The following NRG1 variants were observed in gnomAD, a reference collection of about 807,000 sequenced individuals.
NRG1 encodes the protein pro-neuregulin-1, membrane-bound isoform.
In NRG1, 18 loss-of-function variants were observed where a neutral mutation model predicts 63.8. The observed-to-expected ratio is 0.28, with a 90% CI of 0.19 to 0.42. The LOEUF (loss-of-function observed/expected upper bound fraction) is 0.42, where lower values mean the gene tolerates loss of function less well. Among genes scored for constraint, NRG1 ranks in the 10% least tolerant of loss-of-function variants. NRG1 has a pLI of 1.00. For synonymous variants in NRG1, 302 were observed against 301.3 expected, an observed-to-expected ratio of 1.00 and a Z score of -0.02; for missense variants, 762 against 814.7, an observed-to-expected ratio of 0.94 and a Z score of 0.79.
At chr8:32,265,586 T>C (rs1373506867) in intron 1 of NRG1, among the ~76,000 whole-genome samples, 5 of 152,176 alleles carry the variant, frequency 3.3e-5, no homozygotes, top group African/African-American at 1.2e-4. Context: ...CTCACACCTA[T>C]AATCCTTGCA....
intron 8 of NRG1, among the ~76,000 whole-genome samples, chr8:32,754,688 G>A (rs1015590624): frequency 1.3e-5 from 2 of 152,218 alleles, no homozygotes; most frequent in South Asian, 2.1e-4. Flanking sequence ...AAAGATTTCT[G>A]TTCAATGACC....
chr8:32,436,915 A>G (rs1346256645), intron 1 of NRG1, among the ~76,000 whole-genome samples: 1 of 151,892 alleles, frequency 6.6e-6, no homozygotes, highest in Non-Finnish European at 1.5e-5. Context: ...ACACACACAC[A>G]CAATTTAAAA....
intron 1 of NRG1, chr8:32,256,451 A>T (rs1849712310): frequency 6.6e-6 from 1 of 152,236 alleles, no homozygotes; most frequent in African/African-American, 2.4e-5. Context: ...TCTCTACTGC[A>T]GGTCTGCAGG....
chr8:31,864,740 G>A (rs1228749021), intron 1 of NRG1, among the ~76,000 whole-genome samples: 1 of 152,192 alleles, frequency 6.6e-6, no homozygotes, highest in East Asian at 1.9e-4. Flanking sequence ...GTGAGGGTCA[G>A]AAGAACTGGG....
At chr8:32,647,837 G>A in intron 5 of NRG1, 3 of 1,613,978 alleles carry the variant, frequency 1.9e-6, no homozygotes, top group South Asian at 1.1e-5. Context: ...ACATGCCAGA[G>A]CCCCAGACTG....
At chr8:32,585,259 T>A (rs1046252028) in intron 1 of NRG1, among the ~76,000 whole-genome samples, 1 of 152,240 alleles carries the variant, frequency 6.6e-6, no homozygotes, top group Non-Finnish European at 1.5e-5. Context: ...GCTTATGTCA[T>A]GTGAACTTTG....
chr8:31,992,635 A>C (rs1406768463), intron 1 of NRG1, among the ~76,000 whole-genome samples: 1 of 152,040 alleles, frequency 6.6e-6, no homozygotes, highest in Non-Finnish European at 1.5e-5. Context: ...AAAACTTTCT[A>C]ATCATATATC....
At chr8:32,399,762 T>C (rs1173019193) in intron 1 of NRG1, among the ~76,000 whole-genome samples, 1 of 152,154 alleles carries the variant, frequency 6.6e-6, no homozygotes, top group East Asian at 1.9e-4. Flanking sequence ...TAGAGACTTT[T>C]CCCTCCTGTA....
At chr8:32,083,970 G>A (rs1208611038) in intron 1 of NRG1, among the ~76,000 whole-genome samples, 2 of 152,106 alleles carry the variant, frequency 1.3e-5, no homozygotes, top group East Asian at 3.9e-4. Context: ...TTACCTGAAA[G>A]CAGTCCTGTT....
chr8:31,883,072 G>T (rs756408628), intron 1 of NRG1, among the ~76,000 whole-genome samples: 2 of 151,916 alleles, frequency 1.3e-5, no homozygotes, highest in East Asian at 3.9e-4. Flanking sequence ...ATGCCACAGA[G>T]AAATATTTTA....
intron 1 of NRG1, among the ~76,000 whole-genome samples, chr8:31,958,531 AC>A (rs1484803348): frequency 1.3e-5 from 2 of 152,156 alleles, no homozygotes; most frequent in Non-Finnish European, 2.9e-5. Context: ...ACCAGCATAA[AC>A]TTTTGAGGAT....
Position 31,735,387 on chromosome 8 carries a change from CA to C in NRG1, c.37+95964del, listed in dbSNP as rs546161662. ...TAAATTAGAGCTTTACCTTTATCAC[CA>C]AAAAAAACCCCACTGTCTTCCCTTG... On this transcript the variant is annotated intron_variant, in intron 1 of 10. Coordinates refer to the NRG1 transcript ENST00000519301. Among the ~76,000 whole-genome samples the C allele has an allele frequency of 3.9e-3, 593 of 151,530 alleles. 1 individual carries two copies. Among genetic ancestry groups the C allele is most frequent in the South Asian group, 0.019 (91 of 4,782 alleles).
Position 32,456,125 on chromosome 8 carries a change from A to G in NRG1, c.38-139703A>G, listed in dbSNP as rs1159645921. 2.0e-5 allele frequency among the ~76,000 whole-genome samples: 3 copies of G among 152,236 alleles called. No individual in the cohort carries two copies. The East Asian group carries it at 5.8e-4, about 29-fold the overall frequency. ...CAGCCCTTAGAGGAAAAACTGTTCA[A>G]ACAACCTTTTATTCATAGACCCATG... On this transcript the variant is annotated intron_variant, in intron 1 of 10. Coordinates refer to the NRG1 transcript ENST00000519301.
intron 1 of NRG1, among the ~76,000 whole-genome samples, chr8:32,446,733 A>G (rs370058702): frequency 7.0e-4 from 106 of 152,270 alleles, no homozygotes; most frequent in African/African-American, 2.4e-3. Flanking sequence ...GCAGATCAAA[A>G]CTTTGGGGTC....
chr8:31,659,269 G>A (rs1805730136), intron 1 of NRG1, among the ~76,000 whole-genome samples: 1 of 152,112 alleles, frequency 6.6e-6, no homozygotes, highest in African/African-American at 2.4e-5. Context: ...GAAACAAGAG[G>A]AGCGAGATGG....
intron 1 of NRG1, among the ~76,000 whole-genome samples, chr8:32,244,829 T>C (rs1848454589): frequency 6.6e-6 from 1 of 152,168 alleles, no homozygotes; most frequent in Non-Finnish European, 1.5e-5. Context: ...TTCAAAGTCA[T>C]AGAGATCAGG....
chr8:31,734,962 A>T (rs751407008), intron 1 of NRG1, among the ~76,000 whole-genome samples: 5 of 152,126 alleles, frequency 3.3e-5, no homozygotes, highest in Non-Finnish European at 7.4e-5. Flanking sequence ...ATGCTGTCAG[A>T]GGCCTGGAGA....
intron 1 of NRG1, among the ~76,000 whole-genome samples, chr8:31,729,413 G>A (rs2131345511): frequency 6.6e-6 from 1 of 152,114 alleles, no homozygotes; most frequent in Non-Finnish European, 1.5e-5. Flanking sequence ...AGAACATAAT[G>A]ATATTAGACA....
chr8:31,807,096 T>G (rs973331991), intron 1 of NRG1, among the ~76,000 whole-genome samples: 18 of 152,200 alleles, frequency 1.2e-4, no homozygotes, highest in Non-Finnish European at 2.4e-4. Context: ...CCGGCCACAT[T>G]CTGAGTAGAC....
Sources: gnomAD v4.1 joint callset for allele counts (sites outside exome capture counted in the v4.1 genomes callset) on GRCh38, gnomAD v4.1.1 for gene constraint, MANE v1.5 for transcripts, NCBI Gene and HGNC (gene_info 2026-07-23, HGNC 2026-07-21) for gene names.